The following ATP6V0A2 variants were observed in gnomAD, a reference collection of about 807,000 sequenced individuals.
The protein encoded by ATP6V0A2 is V-type proton ATPase 116 kDa subunit a 2.
In ATP6V0A2, 58 loss-of-function variants were observed where a neutral mutation model predicts 104.4. The observed-to-expected ratio is 0.56, with a 90% CI of 0.45 to 0.69. ATP6V0A2 has a LOEUF of 0.69. Ranked by LOEUF, ATP6V0A2 falls within the 30% of genes least tolerant of loss-of-function variation. The pLI is 0.00. For synonymous variants in ATP6V0A2, 376 were observed against 397.9 expected (o/e 0.95, Z 0.65); for missense variants, 938 against 1,062.9 (o/e 0.88, Z 1.63).
chr12:123,721,010 C>CTT (rs1401149225), intron 2 of ATP6V0A2, among the ~76,000 whole-genome samples: 1 of 152,128 alleles, frequency 6.6e-6, no homozygotes, highest in Non-Finnish European at 1.5e-5. Context: ...CTCCTTACTT[C>CTT]TTTACCTGCC....
At chr12:123,745,707 CAA>C (rs34566253) in intron 13 of ATP6V0A2, among the ~76,000 whole-genome samples, 168 of 131,708 alleles carry the variant, frequency 1.3e-3, no homozygotes, top group Admixed American at 1.8e-3. Flanking sequence ...GACTCTGTCT[CAA>C]AAAAAAAAAA....
intron 13 of ATP6V0A2, among the ~76,000 whole-genome samples, chr12:123,746,639 T>TAA (rs760374381): frequency 0.011 from 926 of 83,572 alleles, 25 homozygotes; most frequent in African/African-American, 0.042. Context: ...CCCCTTACCT[T>TAA]AAAAAAAAAA....
chr12:123,750,105 G>A (rs1320850390), intron 15 of ATP6V0A2: 2 of 152,166 alleles, frequency 1.3e-5, no homozygotes, highest in African/African-American at 4.8e-5. Context: ...TAAATGCAGG[G>A]GCGTTCAGTG....
At chr12:123,722,924 C>T (rs74713228) in intron 3 of ATP6V0A2, among the ~76,000 whole-genome samples, 7,970 of 152,106 alleles carry the variant, frequency 0.052, 387 homozygotes, top group African/African-American at 0.12. Flanking sequence ...TGGGTTGTCT[C>T]GGGTGGGCAG....
chr12:123,748,681 G>GT lies in ATP6V0A2; in HGVS notation c.1837dup (p.Ser613PhefsTer14). ...ATTTATGATTTTCTACAAGTGGCTGGTTTTTTCAGCAGAAACCTCCAGAGT... is the reference window on the plus strand; with the variant it reads ...ATTTATGATTTTCTACAAGTGGCTGGTTTTTTTCAGCAGAAACCTCCAGAGT... On this transcript the variant is annotated frameshift_variant, in exon 15 of 20. Coordinates refer to ENST00000330342, the MANE Select transcript of ATP6V0A2 (RefSeq NM_012463.4). LOFTEE classifies it high-confidence loss of function. 6.2e-7 allele frequency: 1 copy of GT among 1,614,126 alleles called. No individual in the cohort carries two copies.
At chr12:123,722,011 G>A (rs1478845910) in intron 2 of ATP6V0A2, among the ~76,000 whole-genome samples, 2 of 152,156 alleles carry the variant, frequency 1.3e-5, no homozygotes, top group African/African-American at 2.4e-5. Flanking sequence ...CGACTCAAAA[G>A]TTCTTTCACT....
Position 123,744,883 on chromosome 12 carries a change from G to A in ATP6V0A2, c.1516G>A (p.Asp506Asn). Residue 506 changes from aspartate to asparagine, a missense_variant and splice_region_variant, in exon 13 of 20, where the codon GAC (aspartate) becomes AAC (asparagine). Physicochemically the swap from Asp to Asn is conservative, Grantham distance 23. Coordinates refer to ENST00000330342, the MANE Select transcript of ATP6V0A2 (RefSeq NM_012463.4). This position sits in a 1 kb window ranked among gnomAD's most constrained non-coding sequence, Gnocchi z 5.4. ...AEHKKMVLWN[D>N]SVVRHNSILQ... is the part of the protein sequence containing the mutation. ...TCCTCACTCTGCTTTTTGTTACAGT[G>A]ACAGCGTCGTTAGACACAACAGCAT... The A allele has an allele frequency of 3.7e-6, 6 of 1,614,114 alleles. No individual in the cohort carries two copies. The highest frequency in any genetic ancestry group is 5.1e-6 in the Non-Finnish European group (6 of 1,180,008).
intron 16 of ATP6V0A2, 99 bp downstream of exon 16, chr12:123,751,328 C>G (rs1956712212): frequency 7.6e-6 from 12 of 1,572,408 alleles, no homozygotes; most frequent in Non-Finnish European, 5.2e-6. Flanking sequence ...GTCCCTGTCT[C>G]TTGATTTAAA....
chr12:123,752,484 A>G (rs947193028), intron 17 of ATP6V0A2, 82 bp downstream of exon 17: 4 of 1,549,052 alleles, frequency 2.6e-6, no homozygotes, highest in Admixed American at 1.7e-5. Context: ...ATAATATTTA[A>G]TCATCTTAAA....
Position 123,759,502 on chromosome 12 carries a change from T to C in ATP6V0A2, c.*1470T>C, listed in dbSNP as rs1956791087. ...GTCAGTCCTATTGAACATTTTGACC[T>C]ATATTCTTGCAAATTATGTTAATTT... On this transcript the variant is annotated 3_prime_UTR_variant, in exon 20 of 20. Transcript: ENST00000330342. 6.6e-6 allele frequency: 1 copy of C among 152,250 alleles called. No homozygotes were observed. The highest frequency in any genetic ancestry group is 2.1e-4 in the South Asian group (1 of 4,832). 9.4% of individuals were successfully genotyped at this position (152,250 alleles called of 1,614,324 possible).
intron 3 of ATP6V0A2, chr12:123,723,883 G>T (rs1486612539): frequency 6.6e-6 from 1 of 152,118 alleles, no homozygotes; most frequent in Non-Finnish European, 1.5e-5. Context: ...GCAAAAAAAG[G>T]AAATGTAGAC....
In ATP6V0A2 at chr12:123,744,621, C is replaced by T. The variant is rs907470146; in HGVS notation, c.1351C>T (p.Arg451Trp). 6.8e-6 allele frequency: 11 copies of T among 1,613,246 alleles called. No individual in the cohort carries two copies. Among genetic ancestry groups the T allele is most frequent in the East Asian group, 2.2e-5 (1 of 44,892 alleles). The change falls in exon 12 of 20, where the codon CGG (arginine) becomes TGG (tryptophan). Residue 451 changes from arginine to tryptophan, a missense_variant. Coordinates refer to ENST00000330342, the MANE Select transcript of ATP6V0A2 (RefSeq NM_012463.4). The surrounding 1 kb of genome is among the most constrained non-coding windows in gnomAD (Gnocchi z 5.4). The part of the protein sequence containing the change: ...QEIMRMFFNG[R>W]YILLLMGLFS... ...GATCATGAGGATGTTTTTTAATGGC[C>T]GGTACATCCTCCTGCTGATGGGGCT...
intron 1 of ATP6V0A2, among the ~76,000 whole-genome samples, chr12:123,715,079 T>C (rs1331935702): frequency 6.6e-6 from 1 of 152,176 alleles, no homozygotes; most frequent in East Asian, 1.9e-4. Flanking sequence ...AGACTCCGTC[T>C]CAAAAAAAAG....
intron 6 of ATP6V0A2, chr12:123,731,150 G>C (rs1956498328): frequency 6.6e-6 from 1 of 152,198 alleles, no homozygotes; most frequent in South Asian, 2.1e-4. Flanking sequence ...AGAAAATTGG[G>C]AACAATGTAG....
At chr12:123,735,401 A>T in intron 7 of ATP6V0A2, 130 bp from the exon 8 acceptor site, 1 of 785,096 alleles carries the variant, frequency 1.3e-6, no homozygotes, top group Non-Finnish European at 2.2e-6. Context: ...AGGGCAGATG[A>T]CTGCATCTGC....
At chr12:123,714,700 A>G (rs1040835436) in intron 1 of ATP6V0A2, among the ~76,000 whole-genome samples, 2 of 152,258 alleles carry the variant, frequency 1.3e-5, no homozygotes, top group Non-Finnish European at 2.9e-5. Flanking sequence ...ATTAAAATGT[A>G]CCTTATTCCA....
chr12:123,724,386 G>A (rs1000835938), intron 3 of ATP6V0A2: 27 of 358,226 alleles, frequency 7.5e-5, no homozygotes, highest in African/African-American at 5.5e-4. Flanking sequence ...AAATTAGCTG[G>A]GCGTGGTGAT....
intron 13 of ATP6V0A2, among the ~76,000 whole-genome samples, chr12:123,746,354 A>G (rs866991611): frequency 6.6e-6 from 1 of 152,032 alleles, no homozygotes; most frequent in Non-Finnish European, 1.5e-5. Flanking sequence ...ATATAAAAGT[A>G]TGTATAATAT....
intron 1 of ATP6V0A2, among the ~76,000 whole-genome samples, chr12:123,718,262 T>A (rs1434408424): frequency 1.3e-5 from 2 of 152,020 alleles, no homozygotes; most frequent in Non-Finnish European, 2.9e-5. Context: ...GGCTAATTTT[T>A]GTGTTTTCGT....
Sources: gnomAD v4.1 joint callset for allele counts (sites outside exome capture counted in the v4.1 genomes callset) on GRCh38, gnomAD v4.1.1 for gene constraint, Gnocchi (gnomAD v3.1) non-coding constraint, MANE v1.5 for transcripts, NCBI Gene and HGNC (gene_info 2026-07-23, HGNC 2026-07-21) for gene names.